ACSL6: variants seen among roughly 807,000 people sequenced by gnomAD.
ACSL6 encodes the protein acyl-CoA synthetase long chain family member 6.
ACSL6 carries 47 observed loss-of-function variants against 98.2 expected under a neutral mutation model. The observed-to-expected ratio is 0.48, with a 90% CI of 0.38 to 0.61. ACSL6 has a LOEUF of 0.61. Ranked by LOEUF, ACSL6 falls within the 20% of genes least tolerant of loss-of-function variation. ACSL6 has a pLI of 0.00. For missense variants in ACSL6, 761 were observed against 913.4 expected, an observed-to-expected ratio of 0.83 and a Z score of 2.15; for synonymous variants, 362 against 336.9, an observed-to-expected ratio of 1.07 and a Z score of -0.82.
rs1195992432 is a variant in ACSL6, at chr5:132,003,109, T to C, written c.49+8396A>G. On this transcript the variant is annotated intron_variant, in intron 1 of 20. Transcript: ENST00000651883. ...AGCAAGACAAAAAGAGTTTTGCCCT[T>C]GGTTAAGGGCACATTTTCTGGCAAA... Among the ~76,000 whole-genome samples the C allele has an allele frequency of 2.0e-5, 3 of 152,200 alleles. No homozygotes were observed. The East Asian group carries it at 5.8e-4, about 29-fold the overall frequency.
chr5:132,009,381 G>A (rs1755589970), intron 1 of ACSL6, among the ~76,000 whole-genome samples: 1 of 152,214 alleles, frequency 6.6e-6, no homozygotes, highest in Non-Finnish European at 1.5e-5. Flanking sequence ...GGGACCATGG[G>A]ACCCTGGAGA....
At chr5:131,994,329 T>A in intron 1 of ACSL6, 78 bp from the exon 2 acceptor site, 1 of 1,260,918 alleles carries the variant, frequency 7.9e-7, no homozygotes, top group Non-Finnish European at 1.1e-6. Context: ...CAGGACCTGA[T>A]ATCTGGTCTG....
intron 10 of ACSL6, 180 bp from the exon 11 acceptor site, chr5:131,975,150 G>A: frequency 1.4e-6 from 2 of 1,415,062 alleles, no homozygotes; most frequent in Non-Finnish European, 1.8e-6. Flanking sequence ...ATGAGAGAGA[G>A]AGGGAGAGAG....
chr5:131,960,747 T>A lies in ACSL6; in HGVS notation c.1858-126A>T, dbSNP rs1167811301. Reference sequence around the variant, plus strand: ...ACTAAGTATATGTTTATAAAACATTTGTTGATGTCATGAAATCTTTCTGCC... The same window carrying A: ...ACTAAGTATATGTTTATAAAACATTAGTTGATGTCATGAAATCTTTCTGCC... On this transcript the variant is annotated intron_variant, in intron 18 of 20. Coordinates refer to ENST00000651883, the MANE Select transcript of ACSL6 (RefSeq NM_001009185.3). The A allele has an allele frequency of 4.7e-6, 3 of 637,220 alleles. No homozygotes were observed. In the East Asian group the frequency reaches 8.8e-5, roughly 19 times the overall value. 39.5% of individuals were successfully genotyped at this position (637,220 alleles called of 1,614,324 possible).
chr5:132,005,975 C>T (rs1200095216), intron 1 of ACSL6, among the ~76,000 whole-genome samples: 1 of 152,182 alleles, frequency 6.6e-6, no homozygotes, highest in Non-Finnish European at 1.5e-5. Flanking sequence ...TTTGCTTATA[C>T]CAGGGGCTGA....
rs573493181 is a variant in ACSL6, at chr5:131,951,132, T to C, written c.*3102A>G. The C allele has an allele frequency of 4.9e-6, 1 of 203,290 alleles. No individual in the cohort carries two copies. Among genetic ancestry groups the C allele is most frequent in the East Asian group, 7.6e-5 (1 of 13,120 alleles). The allele number at this position is 203,290 out of a possible 1,614,324, so 12.6% of individuals were successfully genotyped here. ...AGGATCTGTTTGCAAAATATGAGAA[T>C]TACTAATACATTTGAATAACAGATA... On this transcript the variant is annotated 3_prime_UTR_variant, in exon 21 of 21. Coordinates refer to ENST00000651883, the MANE Select transcript of ACSL6 (RefSeq NM_001009185.3).
intron 9 of ACSL6, chr5:131,982,270 A>G (rs1753944470): frequency 6.8e-6 from 1 of 147,532 alleles, no homozygotes. Flanking sequence ...CAGCCTCCCA[A>G]GTAGCTGGGA....
At chr5:131,961,558 G>A (rs1295542338) in intron 18 of ACSL6, among the ~76,000 whole-genome samples, 2 of 151,788 alleles carry the variant, frequency 1.3e-5, no homozygotes, top group Non-Finnish European at 2.9e-5. Flanking sequence ...ATATCCAGGT[G>A]TGGTGGTGGG....
At chr5:131,974,782 T>C in intron 11 of ACSL6, 111 bp downstream of exon 11, 1 of 1,611,638 alleles carries the variant, frequency 6.2e-7, no homozygotes, top group Non-Finnish European at 8.5e-7. Flanking sequence ...CAAACATGTG[T>C]GCTAAAGGCA....
At chr5:131,995,572 G>T (rs1754756417) in intron 1 of ACSL6, among the ~76,000 whole-genome samples, 3 of 152,212 alleles carry the variant, frequency 2.0e-5, no homozygotes, top group Admixed American at 2.0e-4. Context: ...CAAGGAGAAT[G>T]CAACAGTGGC....
In ACSL6 at chr5:131,962,558, A is replaced by G; in HGVS notation, c.1834T>C (p.Tyr612His). 6.2e-7 allele frequency: 1 copy of G among 1,614,104 alleles called. No individual in the cohort carries two copies. The highest frequency in any genetic ancestry group is 8.5e-7 in the Non-Finnish European group (1 of 1,179,984). ...YIRSQPVAQI[Y>H]VHGDSLKAFL... ...ACCTTTAAGCTGTCCCCATGGACAT[A>G]GATTTGCGCCACAGGTTGGCTCCGG... The change falls in exon 18 of 21, where the codon TAT becomes CAT. Residue 612 changes from tyrosine to histidine, a missense_variant. Tyr to His is a moderately conservative substitution (Grantham distance 83). Transcript: ENST00000651883.
intron 1 of ACSL6, among the ~76,000 whole-genome samples, chr5:132,008,497 T>C (rs1203622582): frequency 6.6e-6 from 1 of 152,216 alleles, no homozygotes; most frequent in East Asian, 1.9e-4. Context: ...AAGCCATCCT[T>C]GGACCACATC....
chr5:131,974,511 T>C (rs946416606), intron 11 of ACSL6, among the ~76,000 whole-genome samples: 9 of 152,244 alleles, frequency 5.9e-5, no homozygotes, highest in African/African-American at 2.2e-4. Flanking sequence ...GAAGATGCTA[T>C]CAGCTGGGGT....
intron 1 of ACSL6, chr5:131,994,491 T>C (rs950464117): frequency 5.7e-6 from 3 of 525,962 alleles, no homozygotes; most frequent in African/African-American, 1.9e-5. Context: ...CTGAGAATCA[T>C]ACGCTCAGGC....
rs1294497173 is a variant in ACSL6, at chr5:131,988,124, A to G, written c.755T>C (p.Met252Thr). The G allele has an allele frequency of 1.2e-6, 2 of 1,614,078 alleles. No homozygotes were observed. The highest frequency in any genetic ancestry group is 1.7e-6 in the Non-Finnish European group (2 of 1,180,048). ...ETPGLKLIIL[M>T]DPFEEALKER... ...TTTCAGGGCTTCTTCGAATGGGTCC[A>G]TGAGGATGATCAGCTTGAGGCCTGG... is the stretch of plus-strand genomic sequence containing the variant. Residue 252 changes from methionine (M) to threonine (T), a missense_variant, in exon 7 of 21, where the codon ATG (methionine) becomes ACG (threonine). Physicochemically the swap from Met to Thr is moderately conservative, Grantham distance 81 (BLOSUM62 -1). Coordinates refer to ENST00000651883, the MANE Select transcript of ACSL6 (RefSeq NM_001009185.3).
chr5:131,984,821 C>T (rs921401405), intron 9 of ACSL6: 1 of 161,640 alleles, frequency 6.2e-6, no homozygotes, highest in Admixed American at 5.8e-5. Context: ...CAGCCTTGCT[C>T]ATGGCACACC....
chr5:131,974,618 C>T (rs1250030752), intron 11 of ACSL6: 1 of 939,180 alleles, frequency 1.1e-6, no homozygotes, highest in Non-Finnish European at 1.6e-6. Context: ...TGGCTAAAGT[C>T]CTCTGAGCCC....
intron 20 of ACSL6, among the ~76,000 whole-genome samples, chr5:131,954,993 G>A (rs894184033): frequency 6.6e-6 from 1 of 152,114 alleles, no homozygotes; most frequent in East Asian, 1.9e-4. Context: ...AGTGGTAGAT[G>A]AGCCATTTTA....
At chr5:131,973,156 C>T in intron 12 of ACSL6, 110 bp downstream of exon 12, 1 of 1,413,362 alleles carries the variant, frequency 7.1e-7, no homozygotes, top group Non-Finnish European at 9.6e-7. Flanking sequence ...GAGGCAAGTT[C>T]CAGGACTTGG....
Sources: allele counts gnomAD v4.1 joint callset (sites outside exome capture counted in the v4.1 genomes callset), GRCh38; gene constraint gnomAD v4.1.1; transcripts MANE v1.5; gene names NCBI Gene and HGNC (gene_info 2026-07-23, HGNC 2026-07-21).